The following LDLRAD3 variants were observed in gnomAD, a reference collection of about 807,000 sequenced individuals.
LDLRAD3 encodes the protein low density lipoprotein receptor class A domain containing 3.
In LDLRAD3, 20 loss-of-function variants were observed where a neutral mutation model predicts 29.4. The observed-to-expected ratio is 0.68, with a 90% CI of 0.48 to 0.99. LDLRAD3 has a LOEUF of 0.99. LDLRAD3 is among the 50% of genes least tolerant of loss of function. LDLRAD3 has a pLI of 0.00. For synonymous variants in LDLRAD3, 157 were observed against 192.7 expected (o/e 0.81, Z 1.53); for missense variants, 420 against 454.3 (o/e 0.92, Z 0.69).
At chr11:36,145,236 C>G (rs1854167379) in intron 4 of LDLRAD3, among the ~76,000 whole-genome samples, 1 of 96,306 alleles carries the variant, frequency 1.0e-5, no homozygotes, top group East Asian at 4.2e-4. Context: ...GCCAGCCGCC[C>G]CGTCCGGGAG....
chr11:36,229,155 C>T lies in LDLRAD3; in HGVS notation c.801-5C>T. ...GCCCCTGCCCCCCTGCTGTCCCCAT[C>T]ACAGGCCTGCGTGGTATGACCTTCC... On this transcript the variant is annotated splice_polypyrimidine_tract_variant and splice_region_variant and intron_variant, in intron 5 of 5. Coordinates refer to ENST00000315571, the MANE Select transcript of LDLRAD3 (RefSeq NM_174902.4). The T allele has an allele frequency of 1.2e-6, 2 of 1,610,142 alleles. No homozygotes were observed. Among genetic ancestry groups the T allele is most frequent in the Non-Finnish European group, 1.7e-6 (2 of 1,176,528 alleles).
At chr11:35,956,828 C>G (rs998487543) in intron 1 of LDLRAD3, among the ~76,000 whole-genome samples, 1 of 152,242 alleles carries the variant, frequency 6.6e-6, no homozygotes. Flanking sequence ...CTCTGCCTCC[C>G]GGGTTCACAC....
intron 2 of LDLRAD3, among the ~76,000 whole-genome samples, chr11:36,045,450 T>C (rs1021002351): frequency 6.6e-6 from 1 of 152,200 alleles, no homozygotes; most frequent in Non-Finnish European, 1.5e-5. Context: ...TAAGGCAAGG[T>C]GTCGGCCCGG....
intron 3 of LDLRAD3, among the ~76,000 whole-genome samples, chr11:36,083,207 G>A (rs1330857461): frequency 6.6e-6 from 1 of 152,144 alleles, no homozygotes. Context: ...GTTCACTCTG[G>A]TGTTGAACAT....
chr11:36,032,475 C>G (rs573057148), intron 1 of LDLRAD3, among the ~76,000 whole-genome samples: 7 of 152,140 alleles, frequency 4.6e-5, no homozygotes, highest in Non-Finnish European at 1.0e-4. Context: ...AGAGAAGGAC[C>G]TGGAAGGAGT....
chr11:36,224,362 T>A (rs1420618929), intron 4 of LDLRAD3, among the ~76,000 whole-genome samples: 1 of 152,064 alleles, frequency 6.6e-6, no homozygotes, highest in African/African-American at 2.4e-5. Flanking sequence ...CCCCCAAGGC[T>A]CCTAACTCTA....
At chr11:36,152,871 C>T (rs1466865488) in intron 4 of LDLRAD3, among the ~76,000 whole-genome samples, 1 of 152,126 alleles carries the variant, frequency 6.6e-6, no homozygotes, top group Non-Finnish European at 1.5e-5. Flanking sequence ...CCTGTGAGTC[C>T]TCTTAGCAAA....
At chr11:36,208,130 GC>G (rs1381492059) in intron 4 of LDLRAD3, among the ~76,000 whole-genome samples, 1 of 152,096 alleles carries the variant, frequency 6.6e-6, no homozygotes, top group Admixed American at 6.5e-5. Context: ...TAAACAAGTA[GC>G]CCCCAAACCA....
chr11:36,018,015 T>C (rs539163773), intron 1 of LDLRAD3, among the ~76,000 whole-genome samples: 21 of 152,314 alleles, frequency 1.4e-4, no homozygotes, highest in Non-Finnish European at 5.9e-5. Context: ...GTCTGTGGGT[T>C]ATTATTTCTG....
rs531132627 is a variant in LDLRAD3, at chr11:36,074,634, G to GTAC, written c.194-7018_194-7017insACT. Among the ~76,000 whole-genome samples the GTAC allele has an allele frequency of 3.9e-3, 588 of 152,286 alleles. 7 individuals carry two copies. Among genetic ancestry groups the GTAC allele is most frequent in the African/African-American group, 0.013 (555 of 41,564 alleles). ...TCTAACGTAATGGGAAGGCAGTGACGTTCTTACTAGAGGAGTGATGTGCTG... is the reference window on the plus strand; with the variant it reads ...TCTAACGTAATGGGAAGGCAGTGACGTACTTCTTACTAGAGGAGTGATGTGCTG... On this transcript the variant is annotated intron_variant, in intron 2 of 5. Transcript: ENST00000315571.
intron 1 of LDLRAD3, among the ~76,000 whole-genome samples, chr11:35,945,403 C>T (rs973011296): frequency 6.6e-6 from 1 of 152,226 alleles, no homozygotes; most frequent in African/African-American, 2.4e-5. Context: ...CATCTCCACT[C>T]CTCTGATACC....
chr11:35,945,330 C>G (rs1016746927), intron 1 of LDLRAD3, among the ~76,000 whole-genome samples: 4 of 152,204 alleles, frequency 2.6e-5, no homozygotes, highest in Non-Finnish European at 5.9e-5. Flanking sequence ...TCCTTGATGT[C>G]CCTGGTCCTG....
intron 4 of LDLRAD3, among the ~76,000 whole-genome samples, chr11:36,221,901 C>G (rs58356552): frequency 0.066 from 10,062 of 152,100 alleles, 415 homozygotes; most frequent in East Asian, 0.18. Flanking sequence ...ATTTATATAT[C>G]CTTCTCATGG....
At chr11:35,945,039 C>T (rs979884206) in intron 1 of LDLRAD3, among the ~76,000 whole-genome samples, 6 of 152,238 alleles carry the variant, frequency 3.9e-5, no homozygotes, top group African/African-American at 1.4e-4. Context: ...TCAGCTGTCC[C>T]TCCTGGACTG....
intron 1 of LDLRAD3, among the ~76,000 whole-genome samples, chr11:35,986,003 A>G (rs1236965068): frequency 6.6e-6 from 1 of 152,158 alleles, no homozygotes; most frequent in Non-Finnish European, 1.5e-5. Flanking sequence ...CCCTGAGGCC[A>G]GTCTGGACAG....
chr11:35,952,178 C>T (rs903575926), intron 1 of LDLRAD3, among the ~76,000 whole-genome samples: 2 of 152,166 alleles, frequency 1.3e-5, no homozygotes, highest in South Asian at 2.1e-4. Context: ...CCTAAACCTT[C>T]GACCAGTAAG....
At chr11:36,178,347 A>G (rs1026916072) in intron 4 of LDLRAD3, among the ~76,000 whole-genome samples, 1 of 152,004 alleles carries the variant, frequency 6.6e-6, no homozygotes, top group Non-Finnish European at 1.5e-5. Flanking sequence ...CGCCAGCCCA[A>G]CTGCTGAGGG....
intron 4 of LDLRAD3, among the ~76,000 whole-genome samples, chr11:36,164,903 A>G (rs2133341727): frequency 6.6e-6 from 1 of 152,380 alleles, no homozygotes; most frequent in East Asian, 1.9e-4. Flanking sequence ...GATATCTTTT[A>G]GAATTTTACT....
At chr11:35,982,848 C>CTTTTTTTTTT (rs61605411) in intron 1 of LDLRAD3, among the ~76,000 whole-genome samples, 3 of 88,728 alleles carry the variant, frequency 3.4e-5, no homozygotes, top group Non-Finnish European at 3.9e-5. Context: ...CTGTTTGCTG[C>CTTTTTTTTTT]TTTTTTTTTT....
Sources: allele counts gnomAD v4.1 joint callset (sites outside exome capture counted in the v4.1 genomes callset), GRCh38; gene constraint gnomAD v4.1.1; transcripts MANE v1.5; gene names NCBI Gene and HGNC (gene_info 2026-07-23, HGNC 2026-07-21).